SLC15A1: variants seen among roughly 807,000 people sequenced by gnomAD.
SLC15A1 encodes the protein Caco-2 oligopeptide transporter.
Under a neutral mutation model 92.9 loss-of-function variants are expected in SLC15A1, and 83 were observed. That is an observed-to-expected ratio of 0.89 (90% CI 0.75 to 1.07). The LOEUF (loss-of-function observed/expected upper bound fraction) is 1.07. Among genes scored for constraint, SLC15A1 ranks in the 50% least tolerant of loss-of-function variants. SLC15A1 has a pLI of 0.00. For missense variants in SLC15A1, 857 were observed against 880.1 expected, an observed-to-expected ratio of 0.97 and a Z score of 0.33; for synonymous variants, 322 against 318.2, an observed-to-expected ratio of 1.01 and a Z score of -0.13.
At chr13:98,723,447 A>G (rs1302628078) in intron 5 of SLC15A1, among the ~76,000 whole-genome samples, 2 of 152,244 alleles carry the variant, frequency 1.3e-5, no homozygotes, top group Non-Finnish European at 2.9e-5. Context: ...AGCATTTATC[A>G]ATAACACCTG....
chr13:98,689,531 G>A (rs764048366), intron 18 of SLC15A1, among the ~76,000 whole-genome samples: 11 of 152,076 alleles, frequency 7.2e-5, no homozygotes, highest in African/African-American at 2.7e-4. Context: ...ATGCAGCCTC[G>A]AACTGTGGGC....
chr13:98,748,866 G>A (rs1459711226), intron 1 of SLC15A1, among the ~76,000 whole-genome samples: 1 of 152,184 alleles, frequency 6.6e-6, no homozygotes, highest in Non-Finnish European at 1.5e-5. Flanking sequence ...GTGGTCAAAT[G>A]TCAGTGCATG....
intron 16 of SLC15A1, among the ~76,000 whole-genome samples, chr13:98,704,767 A>T (rs2088098404): frequency 6.6e-6 from 1 of 152,234 alleles, no homozygotes. Context: ...AGCCCTGGTA[A>T]AAATCAATAC....
intron 20 of SLC15A1, 62 bp from the exon 21 acceptor site, chr13:98,687,786 A>G: frequency 6.3e-7 from 1 of 1,584,286 alleles, no homozygotes; most frequent in Non-Finnish European, 8.6e-7. Context: ...AACTGTTCGA[A>G]CAGGTAAATT....
chr13:98,726,788 C>G, intron 2 of SLC15A1, 55 bp downstream of exon 2: 3 of 1,557,628 alleles, frequency 1.9e-6, no homozygotes, highest in Non-Finnish European at 2.7e-6. Context: ...AGGGGTAAAA[C>G]AGATGATAAA....
chr13:98,697,952 G>A (rs1347982628), intron 18 of SLC15A1, among the ~76,000 whole-genome samples: 1 of 152,194 alleles, frequency 6.6e-6, no homozygotes, highest in Admixed American at 6.5e-5. Context: ...TTTTCAGGAG[G>A]AAAAGTGGAT....
At chr13:98,717,317 C>T (rs1183548115) in intron 8 of SLC15A1, among the ~76,000 whole-genome samples, 1 of 152,110 alleles carries the variant, frequency 6.6e-6, no homozygotes, top group Admixed American at 6.5e-5. Flanking sequence ...GTAAAGATGT[C>T]CAAGAGATTG....
intron 1 of SLC15A1, among the ~76,000 whole-genome samples, chr13:98,734,229 T>G (rs2088372369): frequency 6.6e-6 from 1 of 152,196 alleles, no homozygotes; most frequent in South Asian, 2.1e-4. Flanking sequence ...CTTCCCAAAG[T>G]GCTGGGATTA....
chr13:98,730,260 G>A (rs1202058996), intron 1 of SLC15A1, among the ~76,000 whole-genome samples: 4 of 66,380 alleles, frequency 6.0e-5, no homozygotes, highest in African/African-American at 3.2e-4. Flanking sequence ...AGGGGAAGGG[G>A]AGGGGAAGGG....
At position 98,732,696 on chromosome 13, in the gene SLC15A1, T is replaced by G. The variant is rs573567775; in HGVS notation, c.5-5837A>C. Among the ~76,000 whole-genome samples, 288 of 152,302 alleles carry G rather than the reference T, an allele frequency of 1.9e-3. 1 individual carries two copies. The highest frequency in any genetic ancestry group is 3.6e-3 in the Non-Finnish European group (245 of 68,032). On this transcript the variant is annotated intron_variant, in intron 1 of 22. Transcript: ENST00000376503. The stretch of plus-strand genomic sequence containing the variant: ...TCTCTAGGAGTTGGACTTCGGAAGT[T>G]GGAAGGAATGAGGCATTTTGCTGAG...
At chr13:98,750,463 G>C (rs1260206684) in intron 1 of SLC15A1, among the ~76,000 whole-genome samples, 2 of 152,128 alleles carry the variant, frequency 1.3e-5, no homozygotes, top group Admixed American at 6.5e-5. Context: ...CCTTGCCTCT[G>C]TTACTAAGTC....
In SLC15A1 at chr13:98,696,941, C is replaced by T. The variant is rs555935252; in HGVS notation, c.1466+5539G>A. ...CACAGAGAAAGGGCCATGTGAGGAC[C>T]TAGAGGGAAGGTGGCATTTACAAGC... On this transcript the variant is annotated intron_variant, in intron 18 of 22. Coordinates refer to ENST00000376503, the MANE Select transcript of SLC15A1 (RefSeq NM_005073.4). Among the ~76,000 whole-genome samples, 7 of 152,218 alleles carry T rather than the reference C, an allele frequency of 4.6e-5. No individual in the cohort carries two copies. In the East Asian group the frequency reaches 1.4e-3, roughly 29 times the overall value.
Position 98,721,526 on chromosome 13 carries a change from C to A in SLC15A1, c.525G>T (p.Leu175Phe). ...GCATGGGTGTGATGATTGTGGAAAG[C>A]AAACTTCCAGCATTAATAGCCAAGT... ...IFYLAINAGSLLSTIITPMLR... is the reference protein window; with the variant it reads ...IFYLAINAGSFLSTIITPMLR... Residue 175 changes from leucine to phenylalanine, a missense_variant, in exon 7 of 23, where the codon TTG (leucine) becomes TTT (phenylalanine). By Grantham distance (22) the Leu-to-Phe change is conservative. Transcript: ENST00000376503. The A allele has an allele frequency of 6.2e-7, 1 of 1,613,170 alleles. No individual in the cohort carries two copies.
chr13:98,751,096 C>G lies in SLC15A1; in HGVS notation c.4+1499G>C, dbSNP rs74408313. 2.8e-3 allele frequency among the ~76,000 whole-genome samples: 415 copies of G among 150,424 alleles called. 4 individuals carry two copies. Among genetic ancestry groups the G allele is most frequent in the African/African-American group, 9.4e-3 (388 of 41,292 alleles). Reference sequence around the variant, plus strand: ...AGAAGTTACTACTACTTTTTTTCCCCATAACAACCATTAAACAATTTTTTT... The same window carrying G: ...AGAAGTTACTACTACTTTTTTTCCCGATAACAACCATTAAACAATTTTTTT... On this transcript the variant is annotated intron_variant, in intron 1 of 22. Transcript: ENST00000376503.
rs2087916221 is a variant in SLC15A1, at chr13:98,684,666, G to C, written c.*58C>G. On this transcript the variant is annotated 3_prime_UTR_variant, in exon 23 of 23. Coordinates refer to ENST00000376503, the MANE Select transcript of SLC15A1 (RefSeq NM_005073.4). ...CATCCAATGGAGTGTCCTGCTACCT[G>C]GGGGCAGAGGTCAGGGCATCTGCGG... 3 of 1,448,004 alleles carry C rather than the reference G, an allele frequency of 2.1e-6. No homozygotes were observed. The South Asian group carries it at 3.6e-5, about 18-fold the overall frequency. 89.7% of individuals were successfully genotyped at this position (1,448,004 alleles called of 1,614,324 possible). A position where few individuals can be genotyped will look rare whatever the true frequency, so the allele number is the denominator to read the frequency against.
intron 18 of SLC15A1, among the ~76,000 whole-genome samples, chr13:98,691,344 A>T (rs1416570589): frequency 2.6e-5 from 4 of 152,180 alleles, no homozygotes; most frequent in Non-Finnish European, 5.9e-5. Flanking sequence ...CGGCCACTTC[A>T]TTCTTTTTTA....
intron 1 of SLC15A1, among the ~76,000 whole-genome samples, chr13:98,743,234 G>A (rs1409301053): frequency 6.6e-6 from 1 of 152,142 alleles, no homozygotes; most frequent in Non-Finnish European, 1.5e-5. Context: ...ATGCATTTTG[G>A]GGGATAAATA....
chr13:98,693,149 G>A (rs1470293912), intron 18 of SLC15A1, among the ~76,000 whole-genome samples: 12 of 140,290 alleles, frequency 8.6e-5, no homozygotes, highest in Admixed American at 4.6e-4. Flanking sequence ...CCAGGCTGGA[G>A]AGCCATGGCA....
intron 1 of SLC15A1, among the ~76,000 whole-genome samples, chr13:98,735,950 C>G (rs2088390454): frequency 6.6e-6 from 1 of 152,184 alleles, no homozygotes; most frequent in African/African-American, 2.4e-5. Flanking sequence ...CCATCCCCAT[C>G]AAGCTACCAA....
Sources: allele counts gnomAD v4.1 joint callset (sites outside exome capture counted in the v4.1 genomes callset), GRCh38; gene constraint gnomAD v4.1.1; transcripts MANE v1.5; gene names NCBI Gene and HGNC (gene_info 2026-07-23, HGNC 2026-07-21).